Variants in PGCKA1 observed in about 807,000 individuals in gnomAD.
The protein encoded by PGCKA1 is PDCD10 and GCKIII kinases associated 1.
At chr4:37,480,960 C>T in the PGCKA1 span, among the ~76,000 whole-genome samples, 2 of 152,192 alleles carry the variant, frequency 1.3e-5, no homozygotes, top group South Asian at 2.1e-4. Flanking sequence ...AGGATGACAC[C>T]GGGTCATATA....
At chr4:37,454,321 T>C in the PGCKA1 span, among the ~76,000 whole-genome samples, 1,016 of 152,312 alleles carry the variant, frequency 6.7e-3, 16 homozygotes, top group African/African-American at 0.023. Flanking sequence ...AAGGCGTTTG[T>C]AAAGCTTGGC....
At chr4:37,539,847 A>C in the PGCKA1 span, among the ~76,000 whole-genome samples, 1 of 152,210 alleles carries the variant, frequency 6.6e-6, no homozygotes. Context: ...CAGAGACGTG[A>C]TGCTAAGTGA....
chr4:37,530,293 T>G, the PGCKA1 span, among the ~76,000 whole-genome samples: 1 of 152,174 alleles, frequency 6.6e-6, no homozygotes, highest in South Asian at 2.1e-4. Context: ...CAATGCCGGC[T>G]GGGCATGGTG....
chr4:37,491,507 G>A, the PGCKA1 span, among the ~76,000 whole-genome samples: 131 of 152,120 alleles, frequency 8.6e-4, no homozygotes, highest in African/African-American at 3.1e-3. Flanking sequence ...TTTTTTTAAC[G>A]TACTTAGCTT....
At chr4:37,484,257 A>G in the PGCKA1 span, among the ~76,000 whole-genome samples, 1 of 152,222 alleles carries the variant, frequency 6.6e-6, no homozygotes, top group Non-Finnish European at 1.5e-5. Context: ...CTGTGGTTCC[A>G]CAATCACGAC....
At chr4:37,478,517 C>T in the PGCKA1 span, among the ~76,000 whole-genome samples, 1 of 152,208 alleles carries the variant, frequency 6.6e-6, no homozygotes, top group Non-Finnish European at 1.5e-5. Flanking sequence ...CAAATACTTC[C>T]CGTTGTTTTA....
chr4:37,467,447 A>G, the PGCKA1 span, among the ~76,000 whole-genome samples: 2,143 of 152,326 alleles, frequency 0.014, 28 homozygotes, highest in South Asian at 0.023. Flanking sequence ...CCCTTCTTCT[A>G]TCATAGAATC....
chr4:37,496,750 G>C, the PGCKA1 span, among the ~76,000 whole-genome samples: 2 of 152,062 alleles, frequency 1.3e-5, no homozygotes, highest in Non-Finnish European at 2.9e-5. Context: ...TTTTCCATTT[G>C]TTTGTGTAAT....
chr4:37,471,283 T>A, the PGCKA1 span, among the ~76,000 whole-genome samples: 1 of 152,166 alleles, frequency 6.6e-6, no homozygotes, highest in Non-Finnish European at 1.5e-5. Flanking sequence ...TATGGTCTGG[T>A]CAGTTGGCTG....
the PGCKA1 span, among the ~76,000 whole-genome samples, chr4:37,496,272 T>A: frequency 6.6e-6 from 1 of 152,246 alleles, no homozygotes; most frequent in African/African-American, 2.4e-5. Flanking sequence ...AAGTCTTCAA[T>A]CCCATTTGAG....
At chr4:37,572,039 A>G in the PGCKA1 span, among the ~76,000 whole-genome samples, 79 of 144,702 alleles carry the variant, frequency 5.5e-4, no homozygotes, top group South Asian at 2.9e-3. Flanking sequence ...TTTGTTTTTA[A>G]CTTCACACCT....
chr4:37,578,527 A>G, the PGCKA1 span, among the ~76,000 whole-genome samples: 2 of 152,202 alleles, frequency 1.3e-5, no homozygotes, highest in Non-Finnish European at 2.9e-5. Flanking sequence ...TTGAGTAGAC[A>G]GCTTAGTCCG....
the PGCKA1 span, among the ~76,000 whole-genome samples, chr4:37,552,846 G>T: frequency 6.6e-6 from 1 of 152,266 alleles, no homozygotes; most frequent in African/African-American, 2.4e-5. Flanking sequence ...TGCCTATCAT[G>T]CCATATTTGG....
At chr4:37,572,073 T>TTC in the PGCKA1 span, among the ~76,000 whole-genome samples, 162 of 134,756 alleles carry the variant, frequency 1.2e-3, 1 homozygote, top group Non-Finnish European at 2.0e-3. Flanking sequence ...CTTTTTTTTT[T>TTC]TTTTTTTGAG....
At chr4:37,458,730 C>T in the PGCKA1 span, among the ~76,000 whole-genome samples, 35 of 152,244 alleles carry the variant, frequency 2.3e-4, no homozygotes, top group Non-Finnish European at 3.5e-4. Context: ...AAAAGCAACT[C>T]GAGAAGCCAG....
chr4:37,545,210 G>T, the PGCKA1 span, among the ~76,000 whole-genome samples: 1 of 152,128 alleles, frequency 6.6e-6, no homozygotes, highest in Non-Finnish European at 1.5e-5. Flanking sequence ...TTGGTAGAAG[G>T]TAGCTGCCAG....
At chr4:37,480,425 G>A in the PGCKA1 span, among the ~76,000 whole-genome samples, 1 of 152,330 alleles carries the variant, frequency 6.6e-6, no homozygotes, top group East Asian at 1.9e-4. Flanking sequence ...CCCGGGAGGC[G>A]GAGATTGCAG....
chr4:37,514,434 T>C, the PGCKA1 span, among the ~76,000 whole-genome samples: 1 of 152,182 alleles, frequency 6.6e-6, no homozygotes, highest in Non-Finnish European at 1.5e-5. Flanking sequence ...ATCTTAAGAT[T>C]TAAGATTATA....
At chr4:37,543,665 G>GAA in the PGCKA1 span, among the ~76,000 whole-genome samples, 51,011 of 147,842 alleles carry the variant, frequency 0.35, 9,149 homozygotes, top group Middle Eastern at 0.43. Flanking sequence ...CATCTCTACT[G>GAA]AAAAAAAAAA....
Sources: allele counts gnomAD v4.1 joint callset (sites outside exome capture counted in the v4.1 genomes callset), GRCh38; gene constraint gnomAD v4.1.1; transcripts MANE v1.5; gene names NCBI Gene and HGNC (gene_info 2026-07-23, HGNC 2026-07-21).